CNTN4: variants seen among roughly 807,000 people sequenced by gnomAD.
CNTN4 encodes contactin 4.
In CNTN4, 77 loss-of-function variants were observed where a neutral mutation model predicts 122.5. That is an observed-to-expected ratio of 0.63 (90% confidence interval 0.52 to 0.76). The LOEUF (loss-of-function observed/expected upper bound fraction) is 0.76. CNTN4 is among the 30% of genes least tolerant of loss of function. The pLI is 0.00. For synonymous variants in CNTN4, 512 were observed against 447.0 expected (o/e 1.15, Z -1.83); for missense variants, 1,256 against 1,259.1 (o/e 1.00, Z 0.04).
chr3:2,974,495 C>A (rs752446135), intron 13 of CNTN4, among the ~76,000 whole-genome samples: 19 of 152,138 alleles, frequency 1.2e-4, no homozygotes, highest in Non-Finnish European at 2.4e-4. Context: ...TTAATTATGA[C>A]CCCCATTTTA....
chr3:3,025,239 A>C (rs1698629357), intron 14 of CNTN4, among the ~76,000 whole-genome samples: 1 of 152,276 alleles, frequency 6.6e-6, no homozygotes, highest in African/African-American at 2.4e-5. Flanking sequence ...GTAAAGGGTG[A>C]ATTTTAAAGC....
At chr3:2,692,776 A>G (rs898542306) in intron 4 of CNTN4, among the ~76,000 whole-genome samples, 2 of 152,190 alleles carry the variant, frequency 1.3e-5, no homozygotes, top group Non-Finnish European at 2.9e-5. Flanking sequence ...GTTTCATTGT[A>G]TAAAAATTTT....
Position 2,467,677 on chromosome 3 carries a change from CTTA to C in CNTN4, c.-88-103731_-88-103729del, listed in dbSNP as rs149562744. On this transcript the variant is annotated intron_variant, in intron 3 of 24. Transcript: ENST00000418658. Reference sequence around the variant, plus strand: ...ACAGTAGTTATGCACTAATTAATAACTTATTATTATCAGTAATTAATTAATTAA... The same window carrying C: ...ACAGTAGTTATGCACTAATTAATAACTTATTATCAGTAATTAATTAATTAA... 4.9e-4 allele frequency among the ~76,000 whole-genome samples: 74 copies of C among 152,264 alleles called. 1 individual carries two copies. Among genetic ancestry groups the C allele is most frequent in the South Asian group, 1.0e-3 (5 of 4,828 alleles).
At chr3:2,527,269 C>G (rs1254403749) in intron 3 of CNTN4, among the ~76,000 whole-genome samples, 1 of 152,204 alleles carries the variant, frequency 6.6e-6, no homozygotes, top group Non-Finnish European at 1.5e-5. Context: ...CCTGTTTCAT[C>G]TTTTTATGTG....
At chr3:2,736,433 T>C (rs2089097703) in intron 5 of CNTN4, 92 bp downstream of exon 5, 1 of 752,320 alleles carries the variant, frequency 1.3e-6, no homozygotes, top group African/African-American at 1.9e-5. Context: ...CATAAAGAGC[T>C]TTTATTTATT....
intron 3 of CNTN4, among the ~76,000 whole-genome samples, chr3:2,456,513 G>C (rs78007196): frequency 0.023 from 3,423 of 152,102 alleles, 126 homozygotes; most frequent in African/African-American, 0.078. Context: ...GAGTTACTCA[G>C]CATTCCTCTT....
chr3:2,367,638 C>T (rs982010973), intron 3 of CNTN4, among the ~76,000 whole-genome samples: 1 of 152,164 alleles, frequency 6.6e-6, no homozygotes, highest in Non-Finnish European at 1.5e-5. Context: ...TACATACCAC[C>T]ACACCCGGCT....
chr3:2,826,972 C>T (rs1017045037), intron 7 of CNTN4, among the ~76,000 whole-genome samples: 4 of 152,200 alleles, frequency 2.6e-5, no homozygotes, highest in African/African-American at 9.6e-5. Flanking sequence ...CCCAAAGGCG[C>T]ATGAAATCCC....
chr3:2,741,147 G>A (rs1327116907), intron 5 of CNTN4, among the ~76,000 whole-genome samples: 2 of 152,168 alleles, frequency 1.3e-5, no homozygotes, highest in African/African-American at 2.4e-5. Context: ...CTAGGTCTGA[G>A]TATTCAAAGA....
intron 2 of CNTN4, among the ~76,000 whole-genome samples, chr3:2,137,975 G>A (rs1223313928): frequency 6.6e-6 from 1 of 152,132 alleles, no homozygotes; most frequent in Non-Finnish European, 1.5e-5. Context: ...TCAGCCATTG[G>A]TAACCAAGCT....
At chr3:2,632,286 C>T (rs1327852941) in intron 4 of CNTN4, among the ~76,000 whole-genome samples, 3 of 152,086 alleles carry the variant, frequency 2.0e-5, no homozygotes, top group Non-Finnish European at 4.4e-5. Flanking sequence ...AATTGGTTTT[C>T]AAAACCTTTT....
At chr3:2,369,270 T>G (rs1374548128) in intron 3 of CNTN4, among the ~76,000 whole-genome samples, 1 of 152,164 alleles carries the variant, frequency 6.6e-6, no homozygotes, top group Non-Finnish European at 1.5e-5. Flanking sequence ...ATTGTCCCTG[T>G]TTTTGAGTTT....
chr3:2,920,503 G>A (rs1171113470), intron 12 of CNTN4, among the ~76,000 whole-genome samples: 2 of 151,848 alleles, frequency 1.3e-5, no homozygotes, highest in Non-Finnish European at 2.9e-5. Flanking sequence ...GGGAGACGGG[G>A]TGAAGGATGC....
chr3:2,584,554 A>G (rs543106912), intron 4 of CNTN4, among the ~76,000 whole-genome samples: 2 of 152,158 alleles, frequency 1.3e-5, no homozygotes, highest in East Asian at 3.9e-4. Flanking sequence ...AAATACAAAA[A>G]TTAGCAAGGC....
At chr3:2,669,804 C>T (rs569733436) in intron 4 of CNTN4, among the ~76,000 whole-genome samples, 1 of 152,070 alleles carries the variant, frequency 6.6e-6, no homozygotes, top group Non-Finnish European at 1.5e-5. Flanking sequence ...CTTTGTTCTC[C>T]TTGGTTTCCA....
chr3:2,118,427 T>C (rs1281859300), intron 2 of CNTN4, among the ~76,000 whole-genome samples: 1 of 152,202 alleles, frequency 6.6e-6, no homozygotes, highest in African/African-American at 2.4e-5. Context: ...GGAAGGTGAA[T>C]CTTCATAAAT....
At chr3:2,903,658 T>C (rs2094199195) in intron 12 of CNTN4, among the ~76,000 whole-genome samples, 1 of 152,228 alleles carries the variant, frequency 6.6e-6, no homozygotes, top group Admixed American at 6.5e-5. Context: ...CCTCAGAAAG[T>C]CATGCTTGGG....
chr3:2,962,882 T>C (rs999982536), intron 13 of CNTN4, among the ~76,000 whole-genome samples: 1 of 152,250 alleles, frequency 6.6e-6, no homozygotes, highest in Admixed American at 6.5e-5. Context: ...CCCATCCGTC[T>C]TGTTCCTGTG....
intron 2 of CNTN4, among the ~76,000 whole-genome samples, chr3:2,334,138 CTGGTT>C (rs891568628): frequency 2.0e-5 from 3 of 152,124 alleles, no homozygotes; most frequent in African/African-American, 7.2e-5. Context: ...CTGCTATAGA[CTGGTT>C]TGGCTTGTCT....
Sources: gnomAD v4.1 joint callset for allele counts (sites outside exome capture counted in the v4.1 genomes callset) on GRCh38, gnomAD v4.1.1 for gene constraint, MANE v1.5 for transcripts, NCBI Gene and HGNC (gene_info 2026-07-23, HGNC 2026-07-21) for gene names.